The following GRIK2 variants were observed in gnomAD, a reference collection of about 807,000 sequenced individuals.
GRIK2 encodes glutamate receptor ionotropic, kainate 2.
In GRIK2, 32 loss-of-function variants were observed where a neutral mutation model predicts 100.3. The ratio of observed to expected loss-of-function variants is 0.32; its 90% CI spans 0.24 to 0.43. GRIK2 has a LOEUF of 0.43. Ranked by LOEUF, GRIK2 falls within the 20% of genes least tolerant of loss-of-function variation. GRIK2 has a pLI of 1.00. For synonymous variants in GRIK2, 417 were observed against 389.4 expected, an observed-to-expected ratio of 1.07 and a Z score of -0.83; for missense variants, 843 against 1,114.9, an observed-to-expected ratio of 0.76 and a Z score of 3.47.
rs555438281 is a variant in GRIK2, at chr6:101,572,060, A to G, written c.116-49889A>G. Among the ~76,000 whole-genome samples the G allele has an allele frequency of 1.6e-3, 245 of 152,188 alleles. 1 individual carries two copies. The highest frequency in any genetic ancestry group is 2.5e-3 in the Non-Finnish European group (167 of 67,980). ...GCCAATCTTTATTTTTGTGATTCTC[A>G]ACACTGTTGATCTTGATTACTATTC... On this transcript the variant is annotated intron_variant, in intron 2 of 16. Transcript: ENST00000369134.
chr6:101,958,916 C>T (rs1375712513), intron 14 of GRIK2, among the ~76,000 whole-genome samples: 2 of 151,870 alleles, frequency 1.3e-5, no homozygotes, highest in Non-Finnish European at 2.9e-5. Context: ...TGTACTGTTG[C>T]ATTTGGCTTG....
chr6:101,514,827 A>G (rs949851296), intron 2 of GRIK2, among the ~76,000 whole-genome samples: 3 of 152,172 alleles, frequency 2.0e-5, no homozygotes, highest in Non-Finnish European at 2.9e-5. Context: ...TTGAAATTCT[A>G]AAACGACATG....
intron 1 of GRIK2, among the ~76,000 whole-genome samples, chr6:101,396,509 C>T (rs138699592): frequency 0.032 from 4,920 of 151,998 alleles, 88 homozygotes; most frequent in Non-Finnish European, 0.046. Context: ...GTTTTTTTAA[C>T]AGTATGCCCT....
intron 7 of GRIK2, among the ~76,000 whole-genome samples, chr6:101,769,263 A>G (rs1778250546): frequency 6.6e-6 from 1 of 152,218 alleles, no homozygotes; most frequent in Non-Finnish European, 1.5e-5. Context: ...ACCATTTGAC[A>G]TAAATGAAAG....
chr6:101,959,631 T>G (rs909640560), intron 14 of GRIK2, among the ~76,000 whole-genome samples: 2 of 152,180 alleles, frequency 1.3e-5, no homozygotes, highest in Admixed American at 1.3e-4. Context: ...AGCTTTGGGT[T>G]TGGTCTGCTC....
chr6:101,841,690 C>CA (rs1235273252), intron 10 of GRIK2, among the ~76,000 whole-genome samples: 1 of 152,056 alleles, frequency 6.6e-6, no homozygotes, highest in East Asian at 1.9e-4. Flanking sequence ...GAAACTAAAA[C>CA]TTGGGGCATA....
chr6:101,954,102 A>G (rs1791764146), intron 14 of GRIK2, among the ~76,000 whole-genome samples: 1 of 152,134 alleles, frequency 6.6e-6, no homozygotes, highest in Admixed American at 6.5e-5. Flanking sequence ...ATTCTTTTCA[A>G]TTAATCTGTA....
intron 2 of GRIK2, among the ~76,000 whole-genome samples, chr6:101,612,748 G>A (rs977877487): frequency 6.7e-6 from 1 of 148,480 alleles, no homozygotes; most frequent in African/African-American, 2.5e-5. Flanking sequence ...GTGTGTGTGT[G>A]TGTGTAGGTA....
chr6:101,873,924 C>A (rs1483919087), intron 11 of GRIK2, among the ~76,000 whole-genome samples: 9 of 152,118 alleles, frequency 5.9e-5, no homozygotes, highest in Non-Finnish European at 1.2e-4. Context: ...ATATCCTTTG[C>A]CCACTTGTTG....
chr6:101,672,377 C>T (rs1011514573), intron 4 of GRIK2, among the ~76,000 whole-genome samples: 21 of 152,230 alleles, frequency 1.4e-4, no homozygotes, highest in African/African-American at 4.8e-4. Context: ...TCTCCAGATG[C>T]CCAACCAGAA....
intron 7 of GRIK2, among the ~76,000 whole-genome samples, chr6:101,691,498 A>T (rs1047582229): frequency 7.2e-5 from 11 of 151,952 alleles, no homozygotes. Context: ...GGTTTTCACC[A>T]TGTTGGCCAG....
intron 2 of GRIK2, among the ~76,000 whole-genome samples, chr6:101,433,644 T>A (rs1769550479): frequency 6.6e-6 from 1 of 152,186 alleles, no homozygotes; most frequent in Non-Finnish European, 1.5e-5. Flanking sequence ...ATTCTTTTTT[T>A]TTCTTACTTA....
At chr6:101,538,898 C>T (rs1306512883) in intron 2 of GRIK2, among the ~76,000 whole-genome samples, 1 of 151,524 alleles carries the variant, frequency 6.6e-6, no homozygotes. Context: ...GCTTAGAATT[C>T]CAACCAAATT....
At chr6:101,606,790 G>A (rs1027971715) in intron 2 of GRIK2, among the ~76,000 whole-genome samples, 2 of 151,948 alleles carry the variant, frequency 1.3e-5, no homozygotes, top group African/African-American at 4.8e-5. Flanking sequence ...TGCAATCAGT[G>A]TACCTAGCAT....
intron 2 of GRIK2, among the ~76,000 whole-genome samples, chr6:101,402,205 C>T (rs1775349168): frequency 6.6e-6 from 1 of 152,062 alleles, no homozygotes; most frequent in Admixed American, 6.5e-5. Flanking sequence ...CCCCGCGCTT[C>T]CCTCTCCCTC....
At chr6:101,424,958 G>A (rs1198692938) in intron 2 of GRIK2, among the ~76,000 whole-genome samples, 2 of 152,030 alleles carry the variant, frequency 1.3e-5, no homozygotes, top group Admixed American at 6.6e-5. Context: ...TCTTAATCCA[G>A]TCTATCATTG....
chr6:101,412,868 G>A (rs1475189865), intron 2 of GRIK2, among the ~76,000 whole-genome samples: 1 of 151,770 alleles, frequency 6.6e-6, no homozygotes, highest in African/African-American at 2.4e-5. Flanking sequence ...CGTAAATGTA[G>A]AATGTGAAAA....
chr6:101,530,141 C>A (rs1775360061), intron 2 of GRIK2, among the ~76,000 whole-genome samples: 1 of 151,934 alleles, frequency 6.6e-6, no homozygotes, highest in Non-Finnish European at 1.5e-5. Flanking sequence ...ATTCAAATAA[C>A]ATTTTTTAAA....
chr6:101,622,843 T>A (rs1780229047), intron 3 of GRIK2, among the ~76,000 whole-genome samples: 1 of 152,014 alleles, frequency 6.6e-6, no homozygotes, highest in African/African-American at 2.4e-5. Flanking sequence ...AGAAAACTAT[T>A]ATTAAAGCAT....
Sources: gnomAD v4.1 joint callset for allele counts (sites outside exome capture counted in the v4.1 genomes callset) on GRCh38, gnomAD v4.1.1 for gene constraint, MANE v1.5 for transcripts, NCBI Gene and HGNC (gene_info 2026-07-23, HGNC 2026-07-21) for gene names.